Variants in DOCK4 observed in about 807,000 individuals in gnomAD.
The protein encoded by DOCK4 is dedicator of cytokinesis 4, also known as dedicator of cytokinesis protein 4.
DOCK4 carries 97 observed loss-of-function variants against 268.1 expected under a neutral mutation model. The observed-to-expected ratio is 0.36, with a 90% CI of 0.31 to 0.43. The LOEUF is 0.43. Ranked by LOEUF, DOCK4 falls within the 20% of genes least tolerant of loss-of-function variation. The pLI is 1.00. For synonymous variants in DOCK4, 954 were observed against 887.2 expected (o/e 1.08, Z -1.34); for missense variants, 2,145 against 2,455.7 (o/e 0.87, Z 2.67).
Position 111,822,449 on chromosome 7 carries a change from A to G in DOCK4, c.2843T>C (p.Leu948Pro), listed in dbSNP as rs761952829. 1 of 1,612,334 alleles carries G rather than the reference A, an allele frequency of 6.2e-7. No homozygotes were observed. Among genetic ancestry groups the G allele is most frequent in the South Asian group, 1.1e-5 (1 of 90,504 alleles). The change falls in exon 27 of 53, where the codon CTG (leucine) becomes CCG (proline). Residue 948 changes from leucine to proline, a missense_variant. Physicochemically the swap from Leu to Pro is moderately conservative, Grantham distance 98 (BLOSUM62 -3). This residue lies in a region of DOCK4 where 1,598 missense variants were observed against 1,986.7 expected (regional missense o/e 0.80). Transcript: ENST00000428084. ...FNTKEELRDF[L>P]LQIFTVFRIL... ...TCGGAACACAGTAAATATCTGCAGC[A>G]GGAAATCCTTGGATAAGGAGAAAAT...
intron 23 of DOCK4, among the ~76,000 whole-genome samples, chr7:111,854,243 G>A (rs560248592): frequency 4.8e-4 from 73 of 152,360 alleles, no homozygotes; most frequent in African/African-American, 1.6e-3. Flanking sequence ...GGGCCTGGTA[G>A]TTAAAGATCA....
chr7:111,901,711 A>G lies in DOCK4; in HGVS notation c.1283T>C (p.Met428Thr), dbSNP rs757748987. 2.5e-5 allele frequency: 40 copies of G among 1,613,598 alleles called. No homozygotes were observed. The highest frequency in any genetic ancestry group is 3.1e-5 in the Non-Finnish European group (37 of 1,179,764). The change falls in exon 14 of 53, where the codon ATG becomes ACG. Residue 428 changes from methionine (M) to threonine (T), a missense_variant. Met to Thr is a moderately conservative substitution (Grantham distance 81). This residue lies in a region of DOCK4 where 1,598 missense variants were observed against 1,986.7 expected (regional missense o/e 0.80). Coordinates refer to ENST00000428084, the MANE Select transcript of DOCK4 (RefSeq NM_001363540.2). ...TTGGCCACTACTGTCTACAATGAAC[A>G]TCGTAACTTCCACATTTCTGGCCAC... is the stretch of plus-strand genomic sequence containing the variant. ...KSVARNVEVTMFIVDSSGQTL... is the reference protein window; with the variant it reads ...KSVARNVEVTTFIVDSSGQTL...
chr7:111,957,317 A>G (rs1272468686), intron 8 of DOCK4, among the ~76,000 whole-genome samples: 3 of 152,184 alleles, frequency 2.0e-5, no homozygotes, highest in Non-Finnish European at 4.4e-5. Context: ...TTTGTAAAAT[A>G]AAAATTGCAT....
chr7:112,084,193 G>C (rs563240798), intron 1 of DOCK4, among the ~76,000 whole-genome samples: 1 of 152,290 alleles, frequency 6.6e-6, no homozygotes, highest in East Asian at 1.9e-4. Flanking sequence ...CTATCACAGA[G>C]AGTGAGAATG....
At chr7:111,784,225 C>G in intron 32 of DOCK4, 102 bp from the exon 33 acceptor site, 1 of 1,303,656 alleles carries the variant, frequency 7.7e-7, no homozygotes, top group South Asian at 1.3e-5. Flanking sequence ...ATACAAGCAT[C>G]TCACAGCTCA....
chr7:112,202,986 G>A (rs941839592), intron 1 of DOCK4, among the ~76,000 whole-genome samples: 3 of 152,126 alleles, frequency 2.0e-5, no homozygotes, highest in Non-Finnish European at 4.4e-5. Flanking sequence ...AGTGAGATAT[G>A]TCACAACAAA....
chr7:111,976,177 T>TAC (rs1418945722), intron 8 of DOCK4, among the ~76,000 whole-genome samples: 21 of 89,156 alleles, frequency 2.4e-4, no homozygotes, highest in African/African-American at 8.5e-4. Context: ...TATATATATA[T>TAC]ACACACACAC....
chr7:112,012,952 G>T (rs1801477808), intron 1 of DOCK4, among the ~76,000 whole-genome samples: 1 of 152,030 alleles, frequency 6.6e-6, no homozygotes, highest in Middle Eastern at 3.2e-3. Flanking sequence ...CAACCGGAGG[G>T]ACTCAGCAGG....
At chr7:112,108,922 C>A (rs1811377448) in intron 1 of DOCK4, among the ~76,000 whole-genome samples, 1 of 151,920 alleles carries the variant, frequency 6.6e-6, no homozygotes, top group South Asian at 2.1e-4. Flanking sequence ...TGCCAGGGAC[C>A]AGGATGTAAA....
chr7:111,945,576 G>A, intron 9 of DOCK4, 141 bp downstream of exon 9: 1 of 667,242 alleles, frequency 1.5e-6, no homozygotes, highest in South Asian at 2.0e-5. Flanking sequence ...CAGAATTCTG[G>A]GCACTAATGT....
chr7:112,108,782 G>A (rs567452953), intron 1 of DOCK4, among the ~76,000 whole-genome samples: 1 of 152,156 alleles, frequency 6.6e-6, no homozygotes, highest in Non-Finnish European at 1.5e-5. Flanking sequence ...GCATTTCAGT[G>A]CCAATGGAAA....
chr7:112,132,574 G>C (rs1268706206), intron 1 of DOCK4, among the ~76,000 whole-genome samples: 2 of 151,768 alleles, frequency 1.3e-5, no homozygotes, highest in Non-Finnish European at 2.9e-5. Flanking sequence ...ATAGAGACCA[G>C]GCATGCATAC....
At chr7:112,153,069 T>C (rs940748129) in intron 1 of DOCK4, among the ~76,000 whole-genome samples, 9 of 152,284 alleles carry the variant, frequency 5.9e-5, no homozygotes, top group Admixed American at 5.9e-4. Context: ...AGTAATATTA[T>C]ATCATAGTCT....
chr7:111,915,620 T>C (rs1382051990), intron 13 of DOCK4, among the ~76,000 whole-genome samples, 159 bp downstream of exon 13: 3 of 152,176 alleles, frequency 2.0e-5, no homozygotes, highest in African/African-American at 7.2e-5. Flanking sequence ...AAGGATATTT[T>C]AGAAAAAAAT....
At chr7:111,732,532 G>C (rs1585810767) in intron 51 of DOCK4, 2 of 547,286 alleles carry the variant, frequency 3.7e-6, no homozygotes, top group Admixed American at 6.4e-5. Context: ...ATGATGCTTT[G>C]ACTATTGACA....
At position 112,012,507 on chromosome 7, in the gene DOCK4, C is replaced by T. The variant is rs144452027; in HGVS notation, c.38-8376G>A. On this transcript the variant is annotated intron_variant, in intron 1 of 52. Transcript: ENST00000428084. ...TTTGTGCAAGGGACGATAGACAGCA[C>T]GAGGCAGGAAAAAATTACAATACAG... 3.1e-3 allele frequency among the ~76,000 whole-genome samples: 474 copies of T among 152,218 alleles called. 5 individuals are homozygous for T. The highest frequency in any genetic ancestry group is 4.8e-3 in the Non-Finnish European group (326 of 68,018).
chr7:112,012,576 T>G (rs1378382689), intron 1 of DOCK4, among the ~76,000 whole-genome samples: 2 of 152,190 alleles, frequency 1.3e-5, no homozygotes, highest in African/African-American at 4.8e-5. Flanking sequence ...AGGCAACTGC[T>G]TTTCCCACAA....
intron 23 of DOCK4, among the ~76,000 whole-genome samples, chr7:111,850,657 T>C (rs576262822): frequency 3.9e-4 from 60 of 152,290 alleles, no homozygotes; most frequent in African/African-American, 1.2e-3. Context: ...CCACCCTAAC[T>C]GATCAATTGA....
intron 36 of DOCK4, among the ~76,000 whole-genome samples, chr7:111,775,922 G>A (rs1798415315): frequency 1.3e-5 from 2 of 152,172 alleles, no homozygotes; most frequent in South Asian, 2.1e-4. Flanking sequence ...TGGGAGAAAG[G>A]AAGAATGGGG....
Sources: allele counts gnomAD v4.1 joint callset (sites outside exome capture counted in the v4.1 genomes callset), GRCh38; gene constraint gnomAD v4.1.1; regional missense constraint gnomAD v4.1.1; transcripts MANE v1.5; gene names NCBI Gene and HGNC (gene_info 2026-07-23, HGNC 2026-07-21).